PCDHGA1: variants seen among roughly 807,000 people sequenced by gnomAD.
PCDHGA1 encodes the protein protocadherin gamma subfamily A, 1.
Under a neutral mutation model 58.0 loss-of-function variants are expected in PCDHGA1, and 32 were observed. The observed-to-expected ratio is 0.55, with a 90% CI of 0.42 to 0.74. The LOEUF (loss-of-function observed/expected upper bound fraction) is 0.74, where lower values mean the gene tolerates loss of function less well. PCDHGA1 is among the 30% of genes least tolerant of loss of function. The pLI, the probability that PCDHGA1 is intolerant of heterozygous loss-of-function variation, is 0.00. For synonymous variants in PCDHGA1, 498 were observed against 501.1 expected (o/e 0.99, Z 0.08); for missense variants, 1,205 against 1,182.3 (o/e 1.02, Z -0.28).
rs770010951 is a variant in PCDHGA1 at position 141,408,783 on chromosome 5, T to A, written c.2421+75678T>A. On this transcript the variant is annotated intron_variant, in intron 1 of 3. Transcript: ENST00000517417. ...TCCGATGGTGGCAAATACCCAGAGT[T>A]ATCTCTGGAGAAACTCCTAGACCGG... 26 of 1,612,386 alleles carry A rather than the reference T, an allele frequency of 1.6e-5. No homozygotes were observed. The East Asian group carries it at 5.8e-4, about 36-fold the overall frequency.
intron 1 of PCDHGA1, chr5:141,374,833 T>A (rs761729063): frequency 6.2e-7 from 1 of 1,613,930 alleles, no homozygotes; most frequent in East Asian, 2.2e-5. Context: ...ACCGTGTAAG[T>A]GTTCCTGAAA....
intron 1 of PCDHGA1, chr5:141,356,685 C>A: frequency 1.2e-6 from 2 of 1,613,994 alleles, no homozygotes; most frequent in South Asian, 1.1e-5. Flanking sequence ...CCGAAGACAC[C>A]TTCCAGGGTG....
intron 1 of PCDHGA1, chr5:141,361,228 G>A: frequency 6.2e-7 from 1 of 1,614,000 alleles, no homozygotes. Flanking sequence ...ACCAGGAACA[G>A]TGATCGCCTT....
Position 141,477,483 on chromosome 5 carries a change from A to G in PCDHGA1, c.2422-17324A>G. The G allele has an allele frequency of 6.2e-7, 1 of 1,614,028 alleles. No individual in the cohort carries two copies. On this transcript the variant is annotated intron_variant, in intron 1 of 3. Coordinates refer to ENST00000517417, the MANE Select transcript of PCDHGA1 (RefSeq NM_018912.3). The surrounding 1 kb of genome is among the most constrained non-coding windows in gnomAD (Gnocchi z 4.9). ...TCCGACATCAATGACAACCCTCCAC[A>G]ATCTTCTCAATCTTCCTACGACGTT...
chr5:141,450,846 A>C (rs2098698903), intron 1 of PCDHGA1, among the ~76,000 whole-genome samples: 1 of 115,730 alleles, frequency 8.6e-6, no homozygotes. Context: ...TTTTTTTGAG[A>C]TGGGGTCTTG....
intron 1 of PCDHGA1, among the ~76,000 whole-genome samples, chr5:141,402,432 TA>T (rs1325787840): frequency 6.6e-6 from 1 of 152,042 alleles, no homozygotes; most frequent in Non-Finnish European, 1.5e-5. Flanking sequence ...TGAAGCATCA[TA>T]AAAAGGAAAT....
chr5:141,389,481 C>A, intron 1 of PCDHGA1: 1 of 1,613,080 alleles, frequency 6.2e-7, no homozygotes, highest in Non-Finnish European at 8.5e-7. Context: ...ACTGCAGGCC[C>A]GCGACCAGGG....
rs978615543 is a variant in PCDHGA1, at chr5:141,362,706, T to A, written c.2421+29601T>A. On this transcript the variant is annotated intron_variant, in intron 1 of 3. Transcript: ENST00000517417. ...TAATCTTATCTAACTGAATTTTAAG[T>A]GTTTTCTCTCTGAAGTGTGAGATTT... The A allele has an allele frequency of 3.0e-6, 3 of 988,590 alleles. No individual in the cohort carries two copies. The African/African-American group carries it at 4.9e-5, about 16-fold the overall frequency. 61.2% of individuals were successfully genotyped at this position (988,590 alleles called of 1,614,324 possible).
chr5:141,450,908 G>A (rs1248622378), intron 1 of PCDHGA1, among the ~76,000 whole-genome samples: 12 of 147,640 alleles, frequency 8.1e-5, no homozygotes, highest in East Asian at 6.0e-4. Flanking sequence ...CACTGCAACC[G>A]CTGCCTCCCA....
At chr5:141,372,788 TA>T in intron 1 of PCDHGA1, 1 of 1,603,576 alleles carries the variant, frequency 6.2e-7, no homozygotes, top group Admixed American at 1.7e-5. Context: ...AAATGCCTTC[TA>T]ATTCAGGCAA....
At chr5:141,446,894 A>C (rs1413761456) in intron 1 of PCDHGA1, among the ~76,000 whole-genome samples, 3 of 152,118 alleles carry the variant, frequency 2.0e-5, no homozygotes, top group Non-Finnish European at 2.9e-5. Flanking sequence ...TTCATGGCTG[A>C]GCTACTTTTG....
At chr5:141,376,441 G>C in intron 1 of PCDHGA1, 3 of 1,614,206 alleles carry the variant, frequency 1.9e-6, no homozygotes, top group Non-Finnish European at 2.5e-6. Flanking sequence ...AGAGCTATGA[G>C]AAAAGCGAGC....
intron 1 of PCDHGA1, among the ~76,000 whole-genome samples, chr5:141,425,165 A>G (rs1391395593): frequency 6.6e-6 from 1 of 152,140 alleles, no homozygotes; most frequent in Non-Finnish European, 1.5e-5. Flanking sequence ...TAGGGATAGG[A>G]TTTATACTTG....
At position 141,511,005 on chromosome 5, in the gene PCDHGA1, C is replaced by T; in HGVS notation, c.2628C>T (p.Ala876=). ...GGGAGTMGLS[A]RYGPQFTLQH... The stretch of plus-strand genomic sequence containing the variant: ...GTGCCGGCACCATGGGATTGAGCGC[C>T]CGCTACGGACCCCAGTTCACCCTGC... Residue 876 remains alanine, a synonymous_variant, in exon 4 of 4, where the codon GCC becomes GCT. Coordinates refer to ENST00000517417, the MANE Select transcript of PCDHGA1 (RefSeq NM_018912.3). The T allele has an allele frequency of 6.2e-7, 1 of 1,614,176 alleles. No individual in the cohort carries two copies.
At position 141,376,756 on chromosome 5, in the gene PCDHGA1, G is replaced by C. The variant is rs1049941497; in HGVS notation, c.2421+43651G>C. The stretch of plus-strand genomic sequence containing the variant: ...CTGCGGACTGCAGTGGCGCAATCTC[G>C]GCTCACTGCAAGCTCCGCTTCCCGG... On this transcript the variant is annotated intron_variant, in intron 1 of 3. Transcript: ENST00000517417. 3.1e-5 allele frequency: 14 copies of C among 448,188 alleles called. No individual in the cohort carries two copies. The Admixed American group carries it at 4.2e-4, about 14-fold the overall frequency. The allele number at this position is 448,188 out of a possible 1,614,324, so 27.8% of individuals were successfully genotyped here. A position where few individuals can be genotyped will look rare whatever the true frequency, so the allele number is the denominator to read the frequency against.
intron 1 of PCDHGA1, chr5:141,409,578 T>A: frequency 6.2e-7 from 1 of 1,613,942 alleles, no homozygotes. Context: ...TCCTACGTGG[T>A]CCACGTGGCC....
At chr5:141,445,838 A>T (rs1302150397) in intron 1 of PCDHGA1, among the ~76,000 whole-genome samples, 1 of 152,218 alleles carries the variant, frequency 6.6e-6, no homozygotes, top group South Asian at 2.1e-4. Flanking sequence ...GAGCCTTGTA[A>T]ATCACACTTA....
chr5:141,390,398 A>G, intron 1 of PCDHGA1: 1 of 1,365,554 alleles, frequency 7.3e-7, no homozygotes, highest in Non-Finnish European at 1.0e-6. Flanking sequence ...GGATCATTTT[A>G]GGAAAGTTGT....
chr5:141,350,441 A>T (rs754364956), intron 1 of PCDHGA1: 7 of 1,610,584 alleles, frequency 4.3e-6, no homozygotes, highest in Non-Finnish European at 5.9e-6. Flanking sequence ...GGAGTTGCCA[A>T]CTCGAAAACT....
Sources: gnomAD v4.1 joint callset for allele counts (sites outside exome capture counted in the v4.1 genomes callset) on GRCh38, gnomAD v4.1.1 for gene constraint, Gnocchi (gnomAD v3.1) non-coding constraint, MANE v1.5 for transcripts, NCBI Gene and HGNC (gene_info 2026-07-23, HGNC 2026-07-21) for gene names.